The following PHACTR1 variants were observed in gnomAD, a reference collection of about 807,000 sequenced individuals.
PHACTR1 encodes RPEL repeat containing 1.
Under a neutral mutation model 69.2 loss-of-function variants are expected in PHACTR1, and 16 were observed. The ratio of observed to expected loss-of-function variants is 0.23; its 90% CI spans 0.16 to 0.35. PHACTR1 has a LOEUF of 0.35. Ranked by LOEUF, PHACTR1 falls within the 10% of genes least tolerant of loss-of-function variation. The probability of loss-of-function intolerance (pLI) is 1.00; values close to 1 mark genes in which losing one functional copy is unlikely to be tolerated. For missense variants in PHACTR1, 510 were observed against 734.7 expected (o/e 0.69, Z 3.54); for synonymous variants, 312 against 284.5 (o/e 1.10, Z -0.97).
At chr6:13,282,204 A>T (rs1780436335) in intron 12 of PHACTR1, among the ~76,000 whole-genome samples, 1 of 152,180 alleles carries the variant, frequency 6.6e-6, no homozygotes, top group Non-Finnish European at 1.5e-5. Flanking sequence ...TCTTCTAGTA[A>T]TAGAATTACA....
chr6:12,761,353 A>G (rs922649799), intron 4 of PHACTR1, among the ~76,000 whole-genome samples: 2 of 152,246 alleles, frequency 1.3e-5, no homozygotes, highest in African/African-American at 4.8e-5. Flanking sequence ...CTAATAGCCC[A>G]GAAACACTGA....
chr6:13,287,277 G>A lies in PHACTR1; in HGVS notation c.*199G>A. 1.6e-6 allele frequency: 1 copy of A among 614,286 alleles called. No homozygotes were observed. The allele number at this position is 614,286 out of a possible 1,614,324, so 38.1% of individuals were successfully genotyped here. A position where few individuals can be genotyped will look rare whatever the true frequency, so the allele number is the denominator to read the frequency against. ...AAGTGATGGCTCGGCGGTCCGAGCTGCTGGTCCCACTTCTGACACCAAAAT... is the reference window on the plus strand; with the variant it reads ...AAGTGATGGCTCGGCGGTCCGAGCTACTGGTCCCACTTCTGACACCAAAAT... On this transcript the variant is annotated 3_prime_UTR_variant, in exon 15 of 15. Coordinates refer to ENST00000332995, the MANE Select transcript of PHACTR1 (RefSeq NM_030948.6).
chr6:13,131,178 T>C (rs544538347), intron 5 of PHACTR1, among the ~76,000 whole-genome samples: 67 of 94,646 alleles, frequency 7.1e-4, no homozygotes, highest in African/African-American at 2.4e-3. Context: ...TGTGTGTATA[T>C]ACACACACAC....
intron 5 of PHACTR1, among the ~76,000 whole-genome samples, chr6:13,090,128 C>T (rs1291855360): frequency 2.0e-5 from 3 of 152,160 alleles, no homozygotes. Flanking sequence ...GATCTCGGCT[C>T]ACTGCAACCT....
At chr6:12,898,993 C>A (rs191942105) in intron 4 of PHACTR1, among the ~76,000 whole-genome samples, 106 of 152,304 alleles carry the variant, frequency 7.0e-4, no homozygotes, top group African/African-American at 2.3e-3. Context: ...AAAGCTACCC[C>A]ACTCCACTTC....
At chr6:12,787,747 CCT>C (rs1230570299) in intron 4 of PHACTR1, among the ~76,000 whole-genome samples, 1 of 152,160 alleles carries the variant, frequency 6.6e-6, no homozygotes, top group African/African-American at 2.4e-5. Flanking sequence ...TCTGAACCAG[CCT>C]CTCAGGATGA....
At chr6:13,232,152 T>A (rs892966167) in intron 10 of PHACTR1, among the ~76,000 whole-genome samples, 1 of 152,220 alleles carries the variant, frequency 6.6e-6, no homozygotes, top group African/African-American at 2.4e-5. Context: ...TAAAACAGTA[T>A]CTGGCCCATA....
intron 5 of PHACTR1, among the ~76,000 whole-genome samples, chr6:13,140,810 A>G (rs1347109022): frequency 6.6e-6 from 1 of 152,240 alleles, no homozygotes; most frequent in Non-Finnish European, 1.5e-5. Context: ...TGTTTGTAAA[A>G]AATGAAGCTG....
intron 5 of PHACTR1, among the ~76,000 whole-genome samples, chr6:13,097,714 A>G (rs977202652): frequency 1.3e-5 from 2 of 151,958 alleles, no homozygotes; most frequent in Non-Finnish European, 2.9e-5. Context: ...TAGCCATCCT[A>G]TTATGTTTGT....
intron 5 of PHACTR1, among the ~76,000 whole-genome samples, chr6:13,138,392 A>C (rs1821883612): frequency 6.6e-6 from 1 of 152,194 alleles, no homozygotes; most frequent in Non-Finnish European, 1.5e-5. Context: ...AGAAAAGGGA[A>C]TTTAGGGGTC....
intron 4 of PHACTR1, among the ~76,000 whole-genome samples, chr6:13,013,535 T>G (rs1378596448): frequency 6.6e-6 from 1 of 152,176 alleles, no homozygotes; most frequent in East Asian, 1.9e-4. Context: ...GAAGGTAGCT[T>G]CAAACCCAGC....
chr6:13,194,401 CA>C (rs1297859837), intron 7 of PHACTR1, among the ~76,000 whole-genome samples: 34,550 of 99,404 alleles, frequency 0.35, 3,876 homozygotes, highest in Middle Eastern at 0.39. Context: ...GACTCCGTCT[CA>C]AAAAAAAAAA....
intron 4 of PHACTR1, among the ~76,000 whole-genome samples, chr6:13,021,372 CTGAG>C (rs1800950119): frequency 6.6e-6 from 1 of 152,152 alleles, no homozygotes; most frequent in South Asian, 2.1e-4. Flanking sequence ...CTTTTTATGG[CTGAG>C]TAATATTTCA....
intron 3 of PHACTR1, among the ~76,000 whole-genome samples, chr6:12,729,266 C>T (rs1763181806): frequency 6.6e-6 from 1 of 152,198 alleles, no homozygotes; most frequent in South Asian, 2.1e-4. Context: ...CCAAAAGTAT[C>T]CTCTGTATCA....
chr6:13,217,613 A>C (rs1241264593), intron 8 of PHACTR1, among the ~76,000 whole-genome samples: 1 of 151,488 alleles, frequency 6.6e-6, no homozygotes, highest in Non-Finnish European at 1.5e-5. Flanking sequence ...ATCCATTACC[A>C]CTGCTGAAAA....
chr6:13,214,831 C>T (rs555480378), intron 8 of PHACTR1, among the ~76,000 whole-genome samples: 22 of 152,224 alleles, frequency 1.4e-4, no homozygotes, highest in African/African-American at 5.1e-4. Context: ...TCAACTGATG[C>T]AAAATATCAA....
intron 6 of PHACTR1, among the ~76,000 whole-genome samples, chr6:13,180,719 A>G (rs1413432225): frequency 6.6e-6 from 1 of 152,148 alleles, no homozygotes; most frequent in Non-Finnish European, 1.5e-5. Flanking sequence ...ACCAACTGGG[A>G]AATTGAAACA....
At chr6:12,966,707 A>G (rs1436727846) in intron 4 of PHACTR1, among the ~76,000 whole-genome samples, 1 of 152,202 alleles carries the variant, frequency 6.6e-6, no homozygotes, top group Non-Finnish European at 1.5e-5. Context: ...AAGGGTGGTT[A>G]AAATGATTTG....
intron 4 of PHACTR1, among the ~76,000 whole-genome samples, chr6:12,864,112 G>C (rs539206298): frequency 6.6e-6 from 1 of 152,294 alleles, no homozygotes; most frequent in Admixed American, 6.5e-5. Context: ...CTCAACACCC[G>C]ATTTATTGGA....
Sources: gnomAD v4.1 joint callset for allele counts (sites outside exome capture counted in the v4.1 genomes callset) on GRCh38, gnomAD v4.1.1 for gene constraint, MANE v1.5 for transcripts, NCBI Gene and HGNC (gene_info 2026-07-23, HGNC 2026-07-21) for gene names.